RECQL5: variants seen among roughly 807,000 people sequenced by gnomAD.
The protein encoded by RECQL5 is ATP-dependent DNA helicase Q5.
In RECQL5, 88 loss-of-function variants were observed where a neutral mutation model predicts 103.4. The ratio of observed to expected loss-of-function variants is 0.85; its 90% CI spans 0.72 to 1.02. The LOEUF (loss-of-function observed/expected upper bound fraction) is 1.02, where lower values mean the gene tolerates loss of function less well. Ranked by LOEUF, RECQL5 falls within the 50% of genes least tolerant of loss-of-function variation. RECQL5 has a pLI of 0.00. For missense variants in RECQL5, 1,232 were observed against 1,284.3 expected (o/e 0.96, Z 0.62); for synonymous variants, 552 against 507.9 (o/e 1.09, Z -1.17).
intron 8 of RECQL5, among the ~76,000 whole-genome samples, chr17:75,635,194 G>A (rs2059295546): frequency 1.3e-5 from 2 of 152,244 alleles, no homozygotes; most frequent in African/African-American, 2.4e-5. Context: ...AGCAGAGGCT[G>A]GGGGCTTCGG....
chr17:75,664,717 A>G (rs1052683207), intron 3 of RECQL5, among the ~76,000 whole-genome samples: 4 of 152,056 alleles, frequency 2.6e-5, no homozygotes, highest in Non-Finnish European at 4.4e-5. Context: ...GTTTGAGACC[A>G]GCCTGGCCAA....
In RECQL5 at chr17:75,636,882, C is replaced by G. The variant is rs1305520551; in HGVS notation, c.1230-5214G>C. 1 of 152,292 alleles carries G rather than the reference C, an allele frequency of 6.6e-6. No individual in the cohort carries two copies. The allele number at this position is 152,292 out of a possible 1,614,324, so 9.4% of individuals were successfully genotyped here. On this transcript the variant is annotated intron_variant, in intron 8 of 19. Transcript: ENST00000317905. This position sits in a 1 kb window ranked among gnomAD's most constrained non-coding sequence, Gnocchi z 5.4. Reference sequence around the variant, plus strand: ...AGTACCCCTGGGTCAGACCCTGGGGCTGGGTGAGGCTGGCCATGCCTGGCT... The same window carrying G: ...AGTACCCCTGGGTCAGACCCTGGGGGTGGGTGAGGCTGGCCATGCCTGGCT...
chr17:75,627,876 A>G (rs1301121263), intron 18 of RECQL5, among the ~76,000 whole-genome samples, 184 bp from the exon 19 acceptor site: 2 of 151,968 alleles, frequency 1.3e-5, no homozygotes, highest in Admixed American at 6.5e-5. Context: ...AAAATTAGCC[A>G]GGCGTGGTGG....
At position 75,630,820 on chromosome 17, in the gene RECQL5, T is replaced by A; in HGVS notation, c.1603A>T (p.Lys535Ter). ...GGGATCCTCCTGCTAGAAGCCTCTT[T>A]CAGGGGACAGTTCTCATCTGTGGGG... is the stretch of plus-strand genomic sequence containing the variant. ...FVPPDENCPLKEASSRRIPRL... is the reference protein window; with the variant it reads ...FVPPDENCPL The change falls in exon 12 of 20, where the codon AAA becomes TAA. Residue 535 changes from lysine to a stop codon, truncating the protein, a stop_gained. Coordinates refer to ENST00000317905, the MANE Select transcript of RECQL5 (RefSeq NM_004259.7). LOFTEE classifies it high-confidence loss of function. 1 of 1,300,430 alleles carries A rather than the reference T, an allele frequency of 7.7e-7. No homozygotes were observed. The highest frequency in any genetic ancestry group is 1.0e-6 in the Non-Finnish European group (1 of 971,728). The allele number at this position is 1,300,430 out of a possible 1,614,324, so 80.6% of individuals were successfully genotyped here.
At chr17:75,667,023 C>T (rs530606914) in intron 1 of RECQL5, 21 bp downstream of exon 1, 86 of 275,786 alleles carry the variant, frequency 3.1e-4, no homozygotes, top group Non-Finnish European at 4.7e-4. Context: ...CCGACACCTC[C>T]CTCTCTTCAC....
chr17:75,661,463 G>T (rs534111628), intron 5 of RECQL5, 143 bp downstream of exon 5: 8 of 648,382 alleles, frequency 1.2e-5, no homozygotes, highest in East Asian at 5.2e-5. Context: ...CCTTTTAGGG[G>T]ATTTAAGTGT....
Position 75,629,783 on chromosome 17 carries a change from G to T in RECQL5, c.1872C>A (p.Ala624=). Residue 624 remains alanine (A), a synonymous_variant, in exon 15 of 20, where the codon GCC becomes GCA. Transcript: ENST00000317905. ...DGQPYDMGGS[A]KSCSAQAEPP... ...GCTCAGCTTGGGCACTGCAGCTCTT[G>T]GCACTGCCTCCCATGTCATAGGGCT... The T allele has an allele frequency of 6.2e-7, 1 of 1,613,598 alleles. No homozygotes were observed. Among genetic ancestry groups the T allele is most frequent in the South Asian group, 1.1e-5 (1 of 91,068 alleles).
chr17:75,630,897 C>T (rs1311645513), intron 11 of RECQL5, 60 bp from the exon 12 acceptor site: 3 of 1,575,990 alleles, frequency 1.9e-6, no homozygotes, highest in Non-Finnish European at 8.6e-7. Context: ...TCTGAGGTCC[C>T]CCACAGCCCG....
At chr17:75,658,209 C>T in intron 7 of RECQL5, 89 bp downstream of exon 7, 2 of 1,445,842 alleles carry the variant, frequency 1.4e-6, no homozygotes, top group Non-Finnish European at 1.9e-6. Context: ...CTCTAGCTTA[C>T]ACAAGCATCA....
chr17:75,651,782 A>G (rs1206019173), intron 7 of RECQL5, among the ~76,000 whole-genome samples: 1 of 152,164 alleles, frequency 6.6e-6, no homozygotes, highest in Admixed American at 6.6e-5. Context: ...GGGCCCACAG[A>G]CTGGCATTTA....
chr17:75,663,019 G>C (rs747096636), intron 3 of RECQL5, 22 bp from the exon 4 acceptor site: 1 of 1,560,908 alleles, frequency 6.4e-7, no homozygotes, highest in Non-Finnish European at 8.7e-7. Flanking sequence ...GAAAGAGGCT[G>C]TAACTGGCCC....
At chr17:75,661,980 G>A (rs567817872) in intron 4 of RECQL5, among the ~76,000 whole-genome samples, 3 of 152,338 alleles carry the variant, frequency 2.0e-5, no homozygotes, top group Admixed American at 2.0e-4. Context: ...TGGGCAACAC[G>A]GAGAAACCCC....
In RECQL5 at chr17:75,640,982, C is replaced by G; in HGVS notation, c.1230-9314G>C. 6.7e-7 allele frequency: 1 copy of G among 1,502,972 alleles called. No homozygotes were observed. Among genetic ancestry groups the G allele is most frequent in the South Asian group, 1.2e-5 (1 of 80,752 alleles). The allele number at this position is 1,502,972 out of a possible 1,614,324, so 93.1% of individuals were successfully genotyped here. ...CATCAGCCTGGCCCTGCAGCCCTTACCCCTCAAGACCAGGCTCCCCTGGCC... is the reference window on the plus strand; with the variant it reads ...CATCAGCCTGGCCCTGCAGCCCTTAGCCCTCAAGACCAGGCTCCCCTGGCC... On this transcript the variant is annotated intron_variant, in intron 8 of 19. Transcript: ENST00000317905. The surrounding 1 kb of genome is among the most constrained non-coding windows in gnomAD (Gnocchi z 4.6).
At chr17:75,646,275 A>C (rs566425072) in intron 8 of RECQL5, 2 of 152,524 alleles carry the variant, frequency 1.3e-5, no homozygotes, top group South Asian at 2.1e-4. Flanking sequence ...ACAGGAAGTG[A>C]GCCCTACGCC....
rs768058549 is a variant in RECQL5, at chr17:75,631,556, C to G, written c.1342G>C (p.Glu448Gln). The G allele has an allele frequency of 5.6e-6, 9 of 1,612,962 alleles. No homozygotes were observed. In the African/African-American group the frequency reaches 1.2e-4, roughly 22 times the overall value. The stretch of plus-strand genomic sequence containing the variant: ...GTCTTGCTCCAGCTGCTGCTGCGCT[C>G]CAAGGCCTCCAGCCGCCTCCGCACG... ...TAVRRRLEAL[E>Q]RSSSWSKTCI... The change falls in exon 9 of 20, where the codon GAG becomes CAG. Residue 448 changes from glutamate to glutamine, a missense_variant. Physicochemically the swap from Glu to Gln is conservative, Grantham distance 29 (BLOSUM62 2). Transcript: ENST00000317905.
intron 7 of RECQL5, chr17:75,652,408 A>G (rs2059566639): frequency 6.6e-6 from 1 of 152,212 alleles, no homozygotes; most frequent in Non-Finnish European, 1.5e-5. Context: ...GAGGACCCCA[A>G]AGGTTTCCTG....
chr17:75,663,137 G>T (rs373541014), intron 3 of RECQL5, 140 bp from the exon 4 acceptor site: 2 of 816,580 alleles, frequency 2.4e-6, no homozygotes, highest in East Asian at 5.1e-5. Context: ...AGTAGTAGAG[G>T]TTGAATATCC....
chr17:75,640,015 C>T lies in RECQL5; in HGVS notation c.1230-8347G>A. The T allele has an allele frequency of 1.3e-6, 1 of 771,876 alleles. No homozygotes were observed. Among genetic ancestry groups the T allele is most frequent in the Non-Finnish European group, 2.0e-6 (1 of 508,696 alleles). The allele number at this position is 771,876 out of a possible 1,614,324, so 47.8% of individuals were successfully genotyped here. ...TGTCAGCTGGGTGGGGACTGAGGGC[C>T]ACCACTAGGTGGAAGTCACCAGGGG... On this transcript the variant is annotated intron_variant, in intron 8 of 19. Transcript: ENST00000317905. The surrounding 1 kb of genome is among the most constrained non-coding windows in gnomAD (Gnocchi z 4.6).
At chr17:75,666,034 G>A (rs2059773682) in intron 2 of RECQL5, among the ~76,000 whole-genome samples, 1 of 152,184 alleles carries the variant, frequency 6.6e-6, no homozygotes, top group African/African-American at 2.4e-5. Context: ...TCGTTTGTGT[G>A]TACAAACGAA....
Sources: allele counts gnomAD v4.1 joint callset (sites outside exome capture counted in the v4.1 genomes callset), GRCh38; gene constraint gnomAD v4.1.1; non-coding constraint Gnocchi (gnomAD v3.1); transcripts MANE v1.5; gene names NCBI Gene and HGNC (gene_info 2026-07-23, HGNC 2026-07-21).